Variants in DAW1 observed in about 807,000 individuals in gnomAD.
The protein encoded by DAW1 is dynein assembly factor with WD repeat domains 1.
DAW1 carries 47 observed loss-of-function variants against 56.5 expected under a neutral mutation model. That is an observed-to-expected ratio of 0.83 (90% CI 0.66 to 1.06). The LOEUF (loss-of-function observed/expected upper bound fraction) is 1.06, where lower values mean the gene tolerates loss of function less well. Among genes scored for constraint, DAW1 ranks in the 50% least tolerant of loss-of-function variants. DAW1 has a pLI of 0.00. For synonymous variants in DAW1, 190 were observed against 179.0 expected (o/e 1.06, Z -0.49); for missense variants, 505 against 499.3 (o/e 1.01, Z -0.11).
chr2:227,910,467 A>G (rs1691787978), intron 10 of DAW1, among the ~76,000 whole-genome samples: 1 of 141,978 alleles, frequency 7.0e-6, no homozygotes, highest in South Asian at 2.3e-4. Flanking sequence ...GTGAGACCCC[A>G]TCTTCTTGAT....
intron 1 of DAW1, among the ~76,000 whole-genome samples, chr2:227,876,106 C>T (rs1417818117): frequency 6.6e-6 from 1 of 152,028 alleles, no homozygotes; most frequent in Non-Finnish European, 1.5e-5. Context: ...AGCTCCGCCT[C>T]CTGGGTTCAT....
At chr2:227,887,158 G>A (rs1721359) in intron 2 of DAW1, among the ~76,000 whole-genome samples, 110,048 of 152,092 alleles carry the variant, frequency 0.72, 40,037 homozygotes, top group Middle Eastern at 0.82. Flanking sequence ...GTCTTATTTC[G>A]GGTGCTTGGC....
At chr2:227,884,508 A>G (rs1286915077) in intron 1 of DAW1, among the ~76,000 whole-genome samples, 1 of 152,132 alleles carries the variant, frequency 6.6e-6, no homozygotes. Context: ...GTTGGTTACA[A>G]TGGTGTCTGT....
intron 3 of DAW1, 67 bp from the exon 4 acceptor site, chr2:227,891,188 T>C: frequency 7.0e-7 from 1 of 1,423,598 alleles, no homozygotes; most frequent in Non-Finnish European, 9.8e-7. Flanking sequence ...TCTTCATTGG[T>C]TTGAAGTTAT....
intron 12 of DAW1, among the ~76,000 whole-genome samples, chr2:227,921,767 C>G (rs186902772): frequency 1.1e-4 from 16 of 152,194 alleles, no homozygotes; most frequent in Middle Eastern, 3.4e-3. Context: ...CTGTAGTAAG[C>G]CTTTGTGAAC....
intron 1 of DAW1, among the ~76,000 whole-genome samples, chr2:227,878,597 C>T (rs1267427356): frequency 1.3e-5 from 2 of 152,036 alleles, no homozygotes; most frequent in African/African-American, 2.4e-5. Flanking sequence ...CGGCATGGGC[C>T]TATAGTCCTA....
intron 2 of DAW1, among the ~76,000 whole-genome samples, chr2:227,886,048 C>G (rs1398609999): frequency 6.7e-6 from 1 of 149,694 alleles, no homozygotes; most frequent in East Asian, 2.0e-4. Flanking sequence ...GATCTCGGCT[C>G]ATTGCATCCT....
chr2:227,915,857 A>C (rs372698814), intron 10 of DAW1, among the ~76,000 whole-genome samples: 7 of 152,140 alleles, frequency 4.6e-5, no homozygotes, highest in African/African-American at 1.4e-4. Context: ...TCAATGTTAT[A>C]CTATTGTCTA....
chr2:227,908,051 T>G (rs1256738222), intron 10 of DAW1, among the ~76,000 whole-genome samples: 3 of 152,210 alleles, frequency 2.0e-5, no homozygotes, highest in African/African-American at 7.2e-5. Flanking sequence ...ATCTTATTGA[T>G]AACCATATAT....
At chr2:227,871,994 C>T (rs1212456922) in intron 1 of DAW1, among the ~76,000 whole-genome samples, 3 of 152,216 alleles carry the variant, frequency 2.0e-5, no homozygotes, top group Non-Finnish European at 4.4e-5. Context: ...GTGCCTACTG[C>T]GTACACGCTT....
At chr2:227,872,112 C>T (rs548710121) in intron 1 of DAW1, 358 of 199,606 alleles carry the variant, frequency 1.8e-3, no homozygotes, top group Non-Finnish European at 2.8e-3. Flanking sequence ...ATAAGCAATA[C>T]ATTAATTACC....
intron 5 of DAW1, among the ~76,000 whole-genome samples, 160 bp downstream of exon 5, chr2:227,894,077 T>G (rs909587099): frequency 6.6e-6 from 1 of 152,048 alleles, no homozygotes; most frequent in African/African-American, 2.4e-5. Flanking sequence ...AAAAGGGTCT[T>G]TGGGTTAGCT....
chr2:227,922,910 G>A lies in DAW1; in HGVS notation c.1214-1024G>A, dbSNP rs573769461. Among the ~76,000 whole-genome samples, 17 of 152,294 alleles carry A rather than the reference G, an allele frequency of 1.1e-4. No homozygotes were observed. The East Asian group carries it at 2.1e-3, about 19-fold the overall frequency. On this transcript the variant is annotated intron_variant, in intron 12 of 12. Transcript: ENST00000309931. The stretch of plus-strand genomic sequence containing the variant: ...GGGGCTATGATGGAGGGCACAGGGC[G>A]CTCCTGCAGGGAGTGAGAAAGAAGG...
At chr2:227,893,962 A>T (rs180890799) in intron 5 of DAW1, 45 bp downstream of exon 5, 342 of 1,495,064 alleles carry the variant, frequency 2.3e-4, no homozygotes, top group Admixed American at 5.8e-4. Flanking sequence ...TCATTTATTC[A>T]TCCCTCCATC....
chr2:227,912,117 A>C, intron 10 of DAW1: 1 of 360,696 alleles, frequency 2.8e-6, no homozygotes, highest in Non-Finnish European at 5.4e-6. Flanking sequence ...ATACCATACT[A>C]TACTGACTTA....
chr2:227,909,266 A>ATCTGTCTGTCTG (rs1258557710), intron 10 of DAW1, among the ~76,000 whole-genome samples: 72 of 142,036 alleles, frequency 5.1e-4, no homozygotes, highest in African/African-American at 1.7e-3. Context: ...CTATCTATCT[A>ATCTGTCTGTCTG]TCTATCTGTC....
At chr2:227,872,618 C>G (rs1335746281) in intron 1 of DAW1, among the ~76,000 whole-genome samples, 1 of 152,140 alleles carries the variant, frequency 6.6e-6, no homozygotes, top group Non-Finnish European at 1.5e-5. Context: ...GCATCATCAC[C>G]CAGCCTGTTT....
chr2:227,904,867 T>C, intron 7 of DAW1, 62 bp from the exon 8 acceptor site: 1 of 1,459,318 alleles, frequency 6.9e-7, no homozygotes, highest in East Asian at 2.3e-5. Context: ...ACTATGATAT[T>C]GTACGCTTGC....
In DAW1 at chr2:227,891,286, A is replaced by G. The variant is rs1311718228; in HGVS notation, c.290A>G (p.Asn97Ser). 1 of 1,613,428 alleles carries G rather than the reference A, an allele frequency of 6.2e-7. No individual in the cohort carries two copies. Among genetic ancestry groups the G allele is most frequent in the East Asian group, 2.2e-5 (1 of 44,826 alleles). Residue 97 changes from asparagine to serine, a missense_variant, in exon 4 of 13, where the codon AAT becomes AGT. Asn to Ser is a conservative substitution (Grantham distance 46, BLOSUM62 1). Transcript: ENST00000309931. The stretch of plus-strand genomic sequence containing the variant: ...AAAGCACATATATTGCCACTGACTA[A>G]TGTTGCACTTAACAAATCGGGCTCA... The part of the protein sequence containing the change: ...VLKAHILPLT[N>S]VALNKSGSCF...
Sources: allele counts gnomAD v4.1 joint callset (sites outside exome capture counted in the v4.1 genomes callset), GRCh38; gene constraint gnomAD v4.1.1; transcripts MANE v1.5; gene names NCBI Gene and HGNC (gene_info 2026-07-23, HGNC 2026-07-21).